The following WNT10A variants were observed in gnomAD, a reference collection of about 807,000 sequenced individuals.
WNT10A encodes the protein Wnt family member 10A.
Under a neutral mutation model 36.1 loss-of-function variants are expected in WNT10A, and 37 were observed. The ratio of observed to expected loss-of-function variants is 1.02; its 90% confidence interval spans 0.79 to 1.35. WNT10A has a LOEUF of 1.35. WNT10A is among the 40% of genes most tolerant of loss of function. WNT10A has a pLI of 0.00. For synonymous variants in WNT10A, 255 were observed against 254.1 expected, an observed-to-expected ratio of 1.00 and a Z score of -0.03; for missense variants, 613 against 601.4, an observed-to-expected ratio of 1.02 and a Z score of -0.20.
intron 3 of WNT10A, among the ~76,000 whole-genome samples, chr2:218,890,765 T>C (rs1487350386): frequency 1.3e-5 from 2 of 152,162 alleles, no homozygotes; most frequent in African/African-American, 2.4e-5. Flanking sequence ...CCCCCAATGC[T>C]AATGTTCCAT....
rs1371765948 is a variant in WNT10A, at chr2:218,893,459, A to T, written c.*188A>T. ...GACAGTCCAGGCCTGTCTGAACCCC[A>T]CCACTCACTTCTGTGGGCTCTAGGA... On this transcript the variant is annotated 3_prime_UTR_variant, in exon 4 of 4. Coordinates refer to ENST00000258411, the MANE Select transcript of WNT10A (RefSeq NM_025216.3). This position sits in a 1 kb window ranked among gnomAD's most constrained non-coding sequence, Gnocchi z 6.3. 3.9e-6 allele frequency: 3 copies of T among 760,974 alleles called. No individual in the cohort carries two copies. The highest frequency in any genetic ancestry group is 6.0e-6 in the Non-Finnish European group (3 of 502,368). 47.1% of individuals were successfully genotyped at this position (760,974 alleles called of 1,614,324 possible).
intron 1 of WNT10A, 102 bp downstream of exon 1, chr2:218,881,210 G>C: frequency 6.6e-7 from 1 of 1,504,582 alleles, no homozygotes; most frequent in Non-Finnish European, 9.0e-7. Flanking sequence ...GAAGAAGGGA[G>C]GGACAGGGTC....
At chr2:218,878,487 C>T (rs551378809), upstream of WNT10A, among the ~76,000 whole-genome samples, 2 of 152,244 alleles carry the variant, frequency 1.3e-5, no homozygotes, top group Admixed American at 1.3e-4. The surrounding 1 kb of genome is among the most constrained non-coding windows in gnomAD (Gnocchi z 4.1). Context: ...GAGACCCCCT[C>T]ATCAGAGAGA....
At chr2:218,885,178 G>T (rs1367752204) in intron 2 of WNT10A, among the ~76,000 whole-genome samples, 1 of 152,166 alleles carries the variant, frequency 6.6e-6, no homozygotes, top group Non-Finnish European at 1.5e-5. Flanking sequence ...CTAGGCCATG[G>T]GGGACAGGGA....
rs1478405055 is a variant in WNT10A at position 218,890,159 on chromosome 2, T to A, written c.552T>A (p.Arg184=). 2 of 1,614,024 alleles carry A rather than the reference T, an allele frequency of 1.2e-6. No individual in the cohort carries two copies. Among genetic ancestry groups the A allele is most frequent in the Non-Finnish European group, 1.7e-6 (2 of 1,180,018 alleles). The change falls in exon 3 of 4, where the codon CGT becomes CGA. Residue 184 remains arginine (R), a synonymous_variant. Transcript: ENST00000258411. ...LHRLQLDALQ[R]GKGLSHGVPE... is the part of the protein sequence containing the mutation. ...GCTTACAACTGGATGCACTGCAGCG[T>A]GGTAAGGGCCTGAGCCATGGGGTCC...
intron 3 of WNT10A, 100 bp downstream of exon 3, chr2:218,890,463 G>A: frequency 6.5e-7 from 1 of 1,535,710 alleles, no homozygotes; most frequent in Non-Finnish European, 8.9e-7. Flanking sequence ...GCTCCCACAT[G>A]TCACACCTTG....
At chr2:218,886,302 A>G (rs1404348783) in intron 2 of WNT10A, among the ~76,000 whole-genome samples, 1 of 152,200 alleles carries the variant, frequency 6.6e-6, no homozygotes, top group Non-Finnish European at 1.5e-5. Context: ...TCCCACATGC[A>G]CACTAGTCTC....
intron 3 of WNT10A, among the ~76,000 whole-genome samples, chr2:218,891,266 A>G (rs1479299671): frequency 6.6e-6 from 1 of 152,208 alleles, no homozygotes; most frequent in East Asian, 1.9e-4. Flanking sequence ...CGTTGAGTCC[A>G]CATTCTGATG....
intron 2 of WNT10A, chr2:218,884,207 C>T (rs1944553573): frequency 6.6e-6 from 1 of 152,662 alleles, no homozygotes; most frequent in Non-Finnish European, 1.5e-5. Context: ...CCCGCGCGGC[C>T]TGCTGGAGGA....
chr2:218,890,350 G>A lies in WNT10A; in HGVS notation c.743G>A (p.Arg248Gln), dbSNP rs747119693. Reference protein sequence around the residue: ...IHARMRLHNNRVGRQAVMENM... With the variant: ...IHARMRLHNNQVGRQAVMENM... ...GCGAGAATGAGGCTTCACAACAACC[G>A]AGTTGGGAGGCAGGTGAGAGCCCCA... is the stretch of plus-strand genomic sequence containing the variant. Residue 248 changes from arginine (R) to glutamine (Q), a missense_variant, in exon 3 of 4, where the codon CGA becomes CAA. Coordinates refer to ENST00000258411, the MANE Select transcript of WNT10A (RefSeq NM_025216.3). 24 of 1,599,854 alleles carry A rather than the reference G, an allele frequency of 1.5e-5. No homozygotes were observed. The highest frequency in any genetic ancestry group is 1.9e-5 in the Non-Finnish European group (23 of 1,179,934).
upstream of WNT10A, among the ~76,000 whole-genome samples, chr2:218,876,515 C>T (rs1216227537): frequency 6.6e-6 from 1 of 152,144 alleles, no homozygotes; most frequent in Non-Finnish European, 1.5e-5. Flanking sequence ...CAGGGTTTTC[C>T]TTTCTGCCTC....
intron 2 of WNT10A, chr2:218,883,924 GC>G (rs1944549631): frequency 6.6e-6 from 1 of 152,422 alleles, no homozygotes; most frequent in Admixed American, 6.5e-5. Flanking sequence ...GCCGCCGCGG[GC>G]CCGCTCCTAC....
chr2:218,888,101 T>G (rs1944598735), intron 2 of WNT10A, among the ~76,000 whole-genome samples: 1 of 152,220 alleles, frequency 6.6e-6, no homozygotes, highest in African/African-American at 2.4e-5. Flanking sequence ...TTGTTTGTTT[T>G]GGCAGGAAGG....
intron 1 of WNT10A, among the ~76,000 whole-genome samples, chr2:218,881,908 A>G (rs1944521192): frequency 6.6e-6 from 1 of 152,182 alleles, no homozygotes; most frequent in Non-Finnish European, 1.5e-5. Flanking sequence ...GGCCACAAGC[A>G]TGGTGGATGT....
chr2:218,889,278 T>C (rs1019300637), intron 2 of WNT10A, among the ~76,000 whole-genome samples: 2 of 152,212 alleles, frequency 1.3e-5, no homozygotes, highest in Non-Finnish European at 2.9e-5. Flanking sequence ...GGCTGAGGAG[T>C]ATTCCATGGC....
chr2:218,888,624 G>C (rs1230048705), intron 2 of WNT10A, among the ~76,000 whole-genome samples: 2 of 152,194 alleles, frequency 1.3e-5, no homozygotes, highest in Non-Finnish European at 2.9e-5. Flanking sequence ...AAGGTGGCTG[G>C]GTAGCGCCCA....
chr2:218,884,571 A>T (rs1006255079), intron 2 of WNT10A, among the ~76,000 whole-genome samples: 1 of 152,078 alleles, frequency 6.6e-6, no homozygotes, highest in Non-Finnish European at 1.5e-5. Flanking sequence ...TCTACTTCTC[A>T]GAAGGGACTC....
Position 218,890,076 on chromosome 2 carries a change from T to C in WNT10A, c.469T>C (p.Cys157Arg). ...GTGTGCCCTGGGCAAACTGAAGGCC[T>C]GTGGCTGTGATGCGTCCCGGCGAGG... ...NACALGKLKA[C>R]GCDASRRGDE... The change falls in exon 3 of 4, where the codon TGT becomes CGT. Residue 157 changes from cysteine (C) to arginine (R), a missense_variant. Physicochemically the swap from Cys to Arg is radical, Grantham distance 180. Transcript: ENST00000258411. 6.2e-7 allele frequency: 1 copy of C among 1,614,144 alleles called. No individual in the cohort carries two copies. The highest frequency in any genetic ancestry group is 8.5e-7 in the Non-Finnish European group (1 of 1,180,024).
At chr2:218,885,507 C>A (rs1029899285) in intron 2 of WNT10A, among the ~76,000 whole-genome samples, 15 of 152,256 alleles carry the variant, frequency 9.9e-5, no homozygotes, top group African/African-American at 3.1e-4. Context: ...GAGGAGAGGT[C>A]AGGGAGAGGC....
Sources: allele counts gnomAD v4.1 joint callset (sites outside exome capture counted in the v4.1 genomes callset), GRCh38; gene constraint gnomAD v4.1.1; non-coding constraint Gnocchi (gnomAD v3.1); transcripts MANE v1.5; gene names NCBI Gene and HGNC (gene_info 2026-07-23, HGNC 2026-07-21).